Variants in UBE2D1 observed in about 807,000 individuals in gnomAD.
UBE2D1 encodes ubiquitin-conjugating enzyme E2 D1.
Under a neutral mutation model 24.6 loss-of-function variants are expected in UBE2D1, and 9 were observed. That is an observed-to-expected ratio of 0.37 (90% CI 0.22 to 0.64). The LOEUF (loss-of-function observed/expected upper bound fraction) is 0.64, where lower values mean the gene tolerates loss of function less well. Among genes scored for constraint, UBE2D1 ranks in the 30% least tolerant of loss-of-function variants. UBE2D1 has a pLI of 0.64. For synonymous variants in UBE2D1, 57 were observed against 57.6 expected (o/e 0.99, Z 0.04); for missense variants, 87 against 177.1 (o/e 0.49, Z 2.89).
At chr10:58,354,432 T>G (rs1230341717) in intron 1 of UBE2D1, among the ~76,000 whole-genome samples, 4 of 148,728 alleles carry the variant, frequency 2.7e-5, no homozygotes, top group African/African-American at 9.8e-5. Flanking sequence ...CCCCTTTAAT[T>G]TTTTTTTTTT....
chr10:58,369,869 T>C lies in UBE2D1; in HGVS notation c.*1104T>C, dbSNP rs541068599. 6.6e-6 allele frequency: 1 copy of C among 152,120 alleles called. No homozygotes were observed. The highest frequency in any genetic ancestry group is 2.4e-5 in the African/African-American group (1 of 41,550). The allele number at this position is 152,120 out of a possible 1,614,324, so 9.4% of individuals were successfully genotyped here. On this transcript the variant is annotated 3_prime_UTR_variant, in exon 7 of 7. Coordinates refer to ENST00000373910, the MANE Select transcript of UBE2D1 (RefSeq NM_003338.5). ...ATCTAAATGGATTATTTGTTAAAAG[T>C]ACTGAAATGAGTATAAGGCAGTATC... is the stretch of plus-strand genomic sequence containing the variant.
intron 3 of UBE2D1, 71 bp from the exon 4 acceptor site, chr10:58,363,538 G>T: frequency 2.8e-6 from 3 of 1,088,742 alleles, no homozygotes; most frequent in Non-Finnish European, 1.3e-6. Flanking sequence ...GATAATATTT[G>T]GGGGAAATAA....
intron 6 of UBE2D1, 141 bp downstream of exon 6, chr10:58,368,157 CCTTT>C: frequency 1.7e-6 from 1 of 594,468 alleles, no homozygotes; most frequent in Non-Finnish European, 2.9e-6. Flanking sequence ...ATGGAGTAAA[CCTTT>C]CTTTGAGAAC....
intron 1 of UBE2D1, among the ~76,000 whole-genome samples, chr10:58,352,456 A>T (rs1310619115): frequency 6.7e-6 from 1 of 149,916 alleles, no homozygotes; most frequent in East Asian, 1.9e-4. Flanking sequence ...CTGGCAAATT[A>T]AAAAAAAAAT....
intron 1 of UBE2D1, among the ~76,000 whole-genome samples, chr10:58,343,072 C>G (rs1408417624): frequency 1.3e-5 from 2 of 152,076 alleles, no homozygotes; most frequent in Admixed American, 1.3e-4. Flanking sequence ...CTCAGGTGAT[C>G]CACCTGCCTT....
chr10:58,366,573 TA>T (rs1288029979), intron 5 of UBE2D1, among the ~76,000 whole-genome samples: 4 of 152,106 alleles, frequency 2.6e-5, no homozygotes, highest in African/African-American at 9.7e-5. Context: ...TACTTTGCTA[TA>T]TTTTTTTAAA....
chr10:58,346,815 G>A (rs543489701), intron 1 of UBE2D1, among the ~76,000 whole-genome samples: 1 of 152,314 alleles, frequency 6.6e-6, no homozygotes, highest in African/African-American at 2.4e-5. Flanking sequence ...AGAAAAATAG[G>A]AGGACAGTAG....
At chr10:58,340,469 T>C (rs1265666513) in intron 1 of UBE2D1, among the ~76,000 whole-genome samples, 3 of 152,206 alleles carry the variant, frequency 2.0e-5, no homozygotes, top group East Asian at 3.8e-4. Context: ...AATCTGTTTA[T>C]AGAAGAGAAC....
chr10:58,340,407 T>C (rs1010800687), intron 1 of UBE2D1, among the ~76,000 whole-genome samples: 2 of 152,220 alleles, frequency 1.3e-5, no homozygotes, highest in Non-Finnish European at 2.9e-5. Flanking sequence ...TTGTGGGCTT[T>C]TAAAGATGGT....
Position 58,349,834 on chromosome 10 carries a change from A to G in UBE2D1, c.25-11504A>G, listed in dbSNP as rs1840053653. Among the ~76,000 whole-genome samples, 4 of 152,156 alleles carry G rather than the reference A, an allele frequency of 2.6e-5. No homozygotes were observed. The South Asian group carries it at 8.3e-4, about 32-fold the overall frequency. ...TTTACCTCTGTCGTCAAGGTAAATC[A>G]CTATTCTAATCTCTATCACCGTACA... On this transcript the variant is annotated intron_variant, in intron 1 of 6. Coordinates refer to ENST00000373910, the MANE Select transcript of UBE2D1 (RefSeq NM_003338.5).
intron 1 of UBE2D1, among the ~76,000 whole-genome samples, chr10:58,357,914 T>C (rs2132327295): frequency 6.6e-6 from 1 of 152,306 alleles, no homozygotes; most frequent in East Asian, 1.9e-4. Context: ...AAGTGACAGC[T>C]TAAGAACTCG....
rs745548179 is a variant in UBE2D1, at chr10:58,366,621, T to G, written c.305-1302T>G. ...TTTATCTTAAAAGATTGTTTTTTAA[T>G]TAAATATAGACAGAGTCTTGCTGTG... On this transcript the variant is annotated intron_variant, in intron 5 of 6. Coordinates refer to ENST00000373910, the MANE Select transcript of UBE2D1 (RefSeq NM_003338.5). Among the ~76,000 whole-genome samples the G allele has an allele frequency of 1.3e-3, 198 of 152,336 alleles. 1 individual carries two copies. Among genetic ancestry groups the G allele is most frequent in the East Asian group, 1.9e-3 (10 of 5,190 alleles).
chr10:58,355,520 A>C (rs1340819866), intron 1 of UBE2D1, among the ~76,000 whole-genome samples: 1 of 152,192 alleles, frequency 6.6e-6, no homozygotes, highest in South Asian at 2.1e-4. Context: ...GATTAAATAC[A>C]AAGGACAGAC....
chr10:58,365,016 C>T (rs1840239892), intron 5 of UBE2D1, 140 bp downstream of exon 5: 2 of 641,822 alleles, frequency 3.1e-6, no homozygotes, highest in East Asian at 5.8e-5. Context: ...TCTCTTTGCT[C>T]TTATGTTACT....
rs544319761 is a variant in UBE2D1, at chr10:58,349,676, T to C, written c.25-11662T>C. On this transcript the variant is annotated intron_variant, in intron 1 of 6. Coordinates refer to ENST00000373910, the MANE Select transcript of UBE2D1 (RefSeq NM_003338.5). ...TTTTAAAAGTTACAATGTAAACTTT[T>C]TGTTTCAGTTATACAGACATAAGTA... is the stretch of plus-strand genomic sequence containing the variant. Among the ~76,000 whole-genome samples the C allele has an allele frequency of 3.9e-5, 6 of 152,332 alleles. No homozygotes were observed. In the South Asian group the frequency reaches 1.2e-3, roughly 32 times the overall value.
At chr10:58,346,160 A>C (rs1242060896) in intron 1 of UBE2D1, among the ~76,000 whole-genome samples, 5 of 151,796 alleles carry the variant, frequency 3.3e-5, no homozygotes, top group Non-Finnish European at 7.4e-5. Context: ...ACAGGCGTGC[A>C]CCACCATGCC....
intron 1 of UBE2D1, among the ~76,000 whole-genome samples, chr10:58,352,757 C>T: frequency 6.6e-6 from 1 of 152,214 alleles, no homozygotes; most frequent in Admixed American, 6.5e-5. Flanking sequence ...TTTAATATTT[C>T]ATATATCAGT....
rs1388237523 is a variant in UBE2D1 at position 58,370,308 on chromosome 10, T to C, written c.*1543T>C. On this transcript the variant is annotated 3_prime_UTR_variant, in exon 7 of 7. Transcript: ENST00000373910. ...GATTATTGCAGTAGCTGTAGAAGTA[T>C]GTAAGAATATGTGATGGGTGTAGTC... The C allele has an allele frequency of 6.6e-6, 1 of 152,312 alleles. No individual in the cohort carries two copies. Among genetic ancestry groups the C allele is most frequent in the Non-Finnish European group, 1.5e-5 (1 of 67,930 alleles). 9.4% of individuals were successfully genotyped at this position (152,312 alleles called of 1,614,324 possible).
intron 1 of UBE2D1, among the ~76,000 whole-genome samples, chr10:58,342,566 G>T (rs1298495460): frequency 6.6e-6 from 1 of 152,092 alleles, no homozygotes; most frequent in Admixed American, 6.6e-5. Flanking sequence ...CTTAAACCAG[G>T]AAATCTCTGG....
Sources: allele counts gnomAD v4.1 joint callset (sites outside exome capture counted in the v4.1 genomes callset), GRCh38; gene constraint gnomAD v4.1.1; transcripts MANE v1.5; gene names NCBI Gene and HGNC (gene_info 2026-07-23, HGNC 2026-07-21).